Variants in PIAS1 observed in about 807,000 individuals in gnomAD.
PIAS1 encodes the protein protein inhibitor of activated STAT 1, also known as E3 SUMO-protein ligase PIAS1.
Under a neutral mutation model 71.3 loss-of-function variants are expected in PIAS1, and 6 were observed. The observed-to-expected ratio is 0.08, with a 90% CI of 0.05 to 0.17. PIAS1 has a LOEUF of 0.17. Ranked by LOEUF, PIAS1 falls within the 10% of genes least tolerant of loss-of-function variation. The pLI, the probability that PIAS1 is intolerant of heterozygous loss-of-function variation, is 1.00. For missense variants in PIAS1, 555 were observed against 793.6 expected (o/e 0.70, Z 3.61); for synonymous variants, 303 against 292.9 (o/e 1.03, Z -0.35).
chr15:68,118,286 AC>A (rs1480054508), intron 2 of PIAS1, among the ~76,000 whole-genome samples: 2 of 151,334 alleles, frequency 1.3e-5, no homozygotes, highest in African/African-American at 2.4e-5. Flanking sequence ...GCGCCACTAC[AC>A]CCCAGCCTGG....
chr15:68,124,411 T>TC (rs1567052659), intron 2 of PIAS1, among the ~76,000 whole-genome samples: 2 of 151,548 alleles, frequency 1.3e-5, no homozygotes, highest in African/African-American at 4.8e-5. Context: ...TTTTTGTTTT[T>TC]TTTTTTTCAT....
At chr15:68,164,895 G>C in intron 8 of PIAS1, 91 bp downstream of exon 8, 1 of 707,586 alleles carries the variant, frequency 1.4e-6, no homozygotes, top group Non-Finnish European at 2.4e-6. Flanking sequence ...AATTCTGTTT[G>C]CTTCTAAAAT....
In PIAS1 at chr15:68,181,256, C is replaced by G; in HGVS notation, c.1526C>G (p.Pro509Arg). The change falls in exon 12 of 14, where the codon CCA (proline) becomes CGA (arginine). Residue 509 changes from proline (P) to arginine (R), a missense_variant. By Grantham distance (103) the Pro-to-Arg change is moderately radical (BLOSUM62 -2). Transcript: ENST00000249636. Reference sequence around the variant, plus strand: ...CAAGCATCTCCAGTATCCCGCACCCCAAGCCTTCCTGCTGTAGACACAAGC... The same window carrying G: ...CAAGCATCTCCAGTATCCCGCACCCGAAGCCTTCCTGCTGTAGACACAAGC... ...PHQASPVSRT[P>R]SLPAVDTSYI... The G allele has an allele frequency of 6.2e-7, 1 of 1,613,614 alleles. No homozygotes were observed. Among genetic ancestry groups the G allele is most frequent in the Non-Finnish European group, 8.5e-7 (1 of 1,179,632 alleles).
intron 1 of PIAS1, among the ~76,000 whole-genome samples, chr15:68,061,022 A>G (rs180981358): frequency 1.4e-4 from 22 of 152,382 alleles, no homozygotes; most frequent in African/African-American, 5.0e-4. Flanking sequence ...CAATGAAAGC[A>G]TTTTTATTTT....
At chr15:68,111,148 G>T (rs1480059190) in intron 2 of PIAS1, among the ~76,000 whole-genome samples, 1 of 152,118 alleles carries the variant, frequency 6.6e-6, no homozygotes, top group Non-Finnish European at 1.5e-5. Context: ...CTAATGGATG[G>T]ATCCTTTTAG....
At chr15:68,072,121 G>T (rs1433035466) in intron 1 of PIAS1, among the ~76,000 whole-genome samples, 1 of 150,300 alleles carries the variant, frequency 6.7e-6, no homozygotes, top group African/African-American at 2.5e-5. Context: ...GAAGTTGGCC[G>T]GGCGCAGTGG....
intron 1 of PIAS1, among the ~76,000 whole-genome samples, chr15:68,056,172 T>C (rs2140947871): frequency 6.6e-6 from 1 of 152,372 alleles, no homozygotes; most frequent in Admixed American, 6.5e-5. Context: ...GTAATATTTA[T>C]TTTGTTAGGA....
At position 68,183,763 on chromosome 15, in the gene PIAS1, G is replaced by T. The variant is rs145226252; in HGVS notation, c.1662+96G>T. ...TTTTGGTCAATGACAGGCCATATAT[G>T]CATTCCATAAGATTATAATGGAGCT... On this transcript the variant is annotated intron_variant, in intron 13 of 13. Transcript: ENST00000249636. 5 of 586,478 alleles carry T rather than the reference G, an allele frequency of 8.5e-6. No homozygotes were observed. In the East Asian group the frequency reaches 9.2e-5, roughly 11 times the overall value. 36.3% of individuals were successfully genotyped at this position (586,478 alleles called of 1,614,324 possible).
chr15:68,112,774 G>C (rs1198764347), intron 2 of PIAS1, among the ~76,000 whole-genome samples: 1 of 152,152 alleles, frequency 6.6e-6, no homozygotes, highest in African/African-American at 2.4e-5. Context: ...TACATTTCTG[G>C]AAGCAATTTG....
At chr15:68,132,801 A>T (rs2092697075) in intron 2 of PIAS1, among the ~76,000 whole-genome samples, 1 of 152,188 alleles carries the variant, frequency 6.6e-6, no homozygotes, top group Non-Finnish European at 1.5e-5. Flanking sequence ...CACGCAAAAT[A>T]TAAATATTAA....
At chr15:68,060,604 C>T (rs1597111820) in intron 1 of PIAS1, among the ~76,000 whole-genome samples, 1 of 151,888 alleles carries the variant, frequency 6.6e-6, no homozygotes, top group Non-Finnish European at 1.5e-5. Flanking sequence ...CAGAGTGAGA[C>T]TCCGTCTCAA....
chr15:68,113,110 T>A (rs973660332), intron 2 of PIAS1, among the ~76,000 whole-genome samples: 1 of 152,162 alleles, frequency 6.6e-6, no homozygotes, highest in Non-Finnish European at 1.5e-5. Context: ...ATATGTTTAT[T>A]AACATGGAAA....
intron 2 of PIAS1, among the ~76,000 whole-genome samples, chr15:68,130,940 G>A (rs1368243547): frequency 6.6e-6 from 1 of 152,060 alleles, no homozygotes; most frequent in Non-Finnish European, 1.5e-5. Context: ...ACTGTTATAA[G>A]CGGTTTTATA....
intron 2 of PIAS1, among the ~76,000 whole-genome samples, chr15:68,118,267 G>A (rs1250071211): frequency 2.0e-5 from 3 of 151,624 alleles, no homozygotes; most frequent in African/African-American, 7.3e-5. Context: ...GTTGCAGTGA[G>A]CCAAGATTGC....
intron 11 of PIAS1, among the ~76,000 whole-genome samples, chr15:68,177,727 A>G (rs1039726475): frequency 4.6e-5 from 7 of 152,234 alleles, no homozygotes; most frequent in African/African-American, 1.2e-4. Flanking sequence ...TACTCCAACT[A>G]TACTCTCAAA....
intron 7 of PIAS1, among the ~76,000 whole-genome samples, chr15:68,158,336 A>T (rs976069108): frequency 2.0e-5 from 3 of 152,056 alleles, no homozygotes; most frequent in African/African-American, 7.2e-5. Context: ...GTCTTTCTTC[A>T]GTGCTTTAGT....
At chr15:68,129,428 T>C (rs2092673658) in intron 2 of PIAS1, among the ~76,000 whole-genome samples, 2 of 152,052 alleles carry the variant, frequency 1.3e-5, no homozygotes, top group Admixed American at 6.6e-5. Flanking sequence ...ACCGTAAACA[T>C]AATAGCTAAT....
At chr15:68,099,598 A>G (rs2092406433) in intron 2 of PIAS1, among the ~76,000 whole-genome samples, 1 of 151,888 alleles carries the variant, frequency 6.6e-6, no homozygotes, top group Non-Finnish European at 1.5e-5. Flanking sequence ...TTGTATGGAC[A>G]TAAGTTTTCT....
intron 8 of PIAS1, among the ~76,000 whole-genome samples, chr15:68,170,948 CT>C (rs1002050293): frequency 6.6e-6 from 1 of 152,056 alleles, no homozygotes; most frequent in Admixed American, 6.6e-5. Flanking sequence ...GCCACTGTAA[CT>C]TTTTTATTTT....
Sources: allele counts gnomAD v4.1 joint callset (sites outside exome capture counted in the v4.1 genomes callset), GRCh38; gene constraint gnomAD v4.1.1; transcripts MANE v1.5; gene names NCBI Gene and HGNC (gene_info 2026-07-23, HGNC 2026-07-21).